The following AKAP6 variants were observed in gnomAD, a reference collection of about 807,000 sequenced individuals.
AKAP6 encodes A-kinase anchor protein 6.
AKAP6 carries 58 observed loss-of-function variants against 188.5 expected under a neutral mutation model. The ratio of observed to expected loss-of-function variants is 0.31; its 90% confidence interval spans 0.25 to 0.38. AKAP6 has a LOEUF of 0.38. Ranked by LOEUF, AKAP6 falls within the 10% of genes least tolerant of loss-of-function variation. The pLI is 1.00. For missense variants in AKAP6, 2,710 were observed against 2,740.0 expected (o/e 0.99, Z 0.24); for synonymous variants, 989 against 998.6 (o/e 0.99, Z 0.18).
intron 7 of AKAP6, among the ~76,000 whole-genome samples, chr14:32,649,463 A>T (rs989565547): frequency 6.6e-6 from 1 of 152,200 alleles, no homozygotes; most frequent in Non-Finnish European, 1.5e-5. Context: ...ACATTTAATT[A>T]TGCTACAAAG....
At chr14:32,578,361 C>G (rs1284756457) in intron 5 of AKAP6, among the ~76,000 whole-genome samples, 1 of 152,124 alleles carries the variant, frequency 6.6e-6, no homozygotes, top group African/African-American at 2.4e-5. Flanking sequence ...AATGACAAAA[C>G]TGTGTGGTAG....
chr14:32,431,149 G>A (rs990948911), intron 1 of AKAP6, among the ~76,000 whole-genome samples: 1 of 152,122 alleles, frequency 6.6e-6, no homozygotes, highest in Non-Finnish European at 1.5e-5. Flanking sequence ...TGAGGCTGGG[G>A]TATGGTTTAT....
chr14:32,724,004 A>T (rs1335660541), intron 9 of AKAP6, among the ~76,000 whole-genome samples: 1 of 152,220 alleles, frequency 6.6e-6, no homozygotes, highest in East Asian at 1.9e-4. Context: ...GATTGGAATC[A>T]GCCACAGTGG....
chr14:32,420,909 T>TTTTGTGTGTGTGTGTGTGTGTGTGTG (rs1555327187), intron 1 of AKAP6, among the ~76,000 whole-genome samples: 10 of 146,410 alleles, frequency 6.8e-5, no homozygotes, highest in African/African-American at 2.5e-4. Flanking sequence ...GGAGATTGAT[T>TTTTGTGTGTGTGTGTGTGTGTGTGTG]TGTGTGTGTG....
intron 1 of AKAP6, among the ~76,000 whole-genome samples, chr14:32,418,551 C>A (rs1030342566): frequency 2.6e-5 from 4 of 152,054 alleles, no homozygotes; most frequent in Admixed American, 2.6e-4. Context: ...TTCAGCATTC[C>A]GTCCCTTATA....
At chr14:32,510,492 A>G (rs201285451) in intron 2 of AKAP6, among the ~76,000 whole-genome samples, 45,274 of 112,984 alleles carry the variant, frequency 0.4, 9,110 homozygotes, top group African/African-American at 0.5. Context: ...ATATATGTGT[A>G]TATATATATA....
rs1231901414 is a variant in AKAP6, at chr14:32,568,531, G to A, written c.2347-8589G>A. Reference sequence around the variant, plus strand: ...TAAATTCTAAGTTATGAGTATCTCAGGTGCTCATTTGAGACTTAAAGGCAG... The same window carrying A: ...TAAATTCTAAGTTATGAGTATCTCAAGTGCTCATTTGAGACTTAAAGGCAG... On this transcript the variant is annotated intron_variant, in intron 4 of 13. Coordinates refer to ENST00000280979, the MANE Select transcript of AKAP6 (RefSeq NM_004274.5). This position sits in a 1 kb window ranked among gnomAD's most constrained non-coding sequence, Gnocchi z 6.2. 2.0e-5 allele frequency among the ~76,000 whole-genome samples: 3 copies of A among 151,984 alleles called. No individual in the cohort carries two copies. Among genetic ancestry groups the A allele is most frequent in the African/African-American group, 7.3e-5 (3 of 41,336 alleles).
intron 12 of AKAP6, among the ~76,000 whole-genome samples, chr14:32,800,344 G>A (rs1441711582): frequency 6.6e-6 from 1 of 151,684 alleles, no homozygotes; most frequent in Non-Finnish European, 1.5e-5. Flanking sequence ...AGAGGTTGCA[G>A]TGAGCTGAGA....
At chr14:32,402,556 C>G (rs1194687391) in intron 1 of AKAP6, among the ~76,000 whole-genome samples, 1 of 152,056 alleles carries the variant, frequency 6.6e-6, no homozygotes, top group Non-Finnish European at 1.5e-5. Flanking sequence ...AATGATATTT[C>G]TTTTGAGTGC....
At chr14:32,478,209 G>T (rs1167242588) in intron 2 of AKAP6, among the ~76,000 whole-genome samples, 1 of 152,146 alleles carries the variant, frequency 6.6e-6, no homozygotes, top group African/African-American at 2.4e-5. Context: ...CAACATTAGT[G>T]AATGTTGTTG....
chr14:32,742,749 T>A (rs1305293155), intron 11 of AKAP6, among the ~76,000 whole-genome samples: 1 of 152,020 alleles, frequency 6.6e-6, no homozygotes, highest in Non-Finnish European at 1.5e-5. Context: ...TATTATTTAC[T>A]TTTTTTGGAA....
intron 1 of AKAP6, among the ~76,000 whole-genome samples, chr14:32,397,480 T>C (rs922716363): frequency 1.3e-5 from 2 of 150,872 alleles, no homozygotes; most frequent in Admixed American, 6.6e-5. Flanking sequence ...CAGGTTCAAG[T>C]GATTTTCCCA....
At chr14:32,688,724 G>T (rs1011028414) in intron 8 of AKAP6, among the ~76,000 whole-genome samples, 2 of 152,074 alleles carry the variant, frequency 1.3e-5, no homozygotes, top group African/African-American at 2.4e-5. Context: ...GCAGTTTTTT[G>T]GTGTAGGCTG....
intron 4 of AKAP6, among the ~76,000 whole-genome samples, chr14:32,569,348 CACTG>C (rs1268256834): frequency 6.6e-6 from 1 of 152,204 alleles, no homozygotes. Flanking sequence ...TCACAGTCAA[CACTG>C]ACTGAAACCA....
chr14:32,481,291 C>T (rs554743038), intron 2 of AKAP6, among the ~76,000 whole-genome samples: 9 of 152,188 alleles, frequency 5.9e-5, no homozygotes, highest in Non-Finnish European at 1.0e-4. Context: ...GTTCGCAGAT[C>T]CAATGATCCA....
At position 32,545,572 on chromosome 14, in the gene AKAP6, T is replaced by A; in HGVS notation, c.919T>A (p.Cys307Ser). 1.2e-6 allele frequency: 2 copies of A among 1,614,150 alleles called. No individual in the cohort carries two copies. The highest frequency in any genetic ancestry group is 1.7e-6 in the Non-Finnish European group (2 of 1,180,012). Residue 307 changes from cysteine (C) to serine (S), a missense_variant, in exon 4 of 14, where the codon TGT (cysteine) becomes AGT (serine). Transcript: ENST00000280979. ...VSLSVDDKGGCEEDNASAVEE... is the reference protein window; with the variant it reads ...VSLSVDDKGGSEEDNASAVEE... ...TCTCTCAGTAGACGACAAAGGTGGA[T>A]GTGAGGAAGACAATGCTTCTGCAGT... is the stretch of plus-strand genomic sequence containing the variant.
intron 2 of AKAP6, among the ~76,000 whole-genome samples, chr14:32,497,704 T>A (rs186226360): frequency 8.6e-4 from 131 of 151,886 alleles, no homozygotes; most frequent in African/African-American, 2.1e-3. Context: ...ATATATATAT[T>A]TTTTTCCAAT....
At chr14:32,612,557 G>T (rs1259325949) in intron 7 of AKAP6, among the ~76,000 whole-genome samples, 2 of 151,056 alleles carry the variant, frequency 1.3e-5, no homozygotes, top group East Asian at 3.9e-4. Flanking sequence ...TATTTTTTTT[G>T]TAAATAAAAC....
intron 2 of AKAP6, 105 bp from the exon 3 acceptor site, chr14:32,535,449 G>A: frequency 7.5e-7 from 1 of 1,330,872 alleles, no homozygotes; most frequent in African/African-American, 1.5e-5. Flanking sequence ...GCTACTGTTG[G>A]CCCTGATAAT....
Sources: gnomAD v4.1 joint callset for allele counts (sites outside exome capture counted in the v4.1 genomes callset) on GRCh38, gnomAD v4.1.1 for gene constraint, Gnocchi (gnomAD v3.1) non-coding constraint, MANE v1.5 for transcripts, NCBI Gene and HGNC (gene_info 2026-07-23, HGNC 2026-07-21) for gene names.